PCGF5: variants seen among roughly 807,000 people sequenced by gnomAD.
PCGF5 encodes polycomb group ring finger 5.
Under a neutral mutation model 44.3 loss-of-function variants are expected in PCGF5, and 9 were observed. The observed-to-expected ratio is 0.20, with a 90% CI of 0.12 to 0.35. The LOEUF (loss-of-function observed/expected upper bound fraction) is 0.35, where lower values mean the gene tolerates loss of function less well. Among genes scored for constraint, PCGF5 ranks in the 10% least tolerant of loss-of-function variants. PCGF5 has a pLI of 1.00. For synonymous variants in PCGF5, 95 were observed against 102.5 expected, an observed-to-expected ratio of 0.93 and a Z score of 0.44; for missense variants, 146 against 305.3, an observed-to-expected ratio of 0.48 and a Z score of 3.89.
At chr10:91,182,809 C>T (rs1347480722) in intron 1 of PCGF5, among the ~76,000 whole-genome samples, 1 of 152,112 alleles carries the variant, frequency 6.6e-6, no homozygotes, top group Non-Finnish European at 1.5e-5. Flanking sequence ...GATTCTGGTA[C>T]ATTGTATCTT....
intron 5 of PCGF5, among the ~76,000 whole-genome samples, chr10:91,250,165 AGTTTG>A (rs1845589656): frequency 1.3e-5 from 2 of 151,782 alleles, no homozygotes; most frequent in African/African-American, 4.8e-5. Context: ...TGGAGCTAGG[AGTTTG>A]GTTCATAGAA....
intron 1 of PCGF5, among the ~76,000 whole-genome samples, chr10:91,198,303 G>A (rs761586026): frequency 3.9e-5 from 6 of 152,082 alleles, no homozygotes; most frequent in Non-Finnish European, 7.4e-5. Context: ...CCTTGCTGGG[G>A]GAACCTTGGA....
chr10:91,200,774 T>G (rs917762835), intron 1 of PCGF5, among the ~76,000 whole-genome samples: 1 of 152,266 alleles, frequency 6.6e-6, no homozygotes, highest in East Asian at 1.9e-4. Context: ...AAATTAAGCT[T>G]TGGTTTCTTC....
chr10:91,250,115 A>G (rs1256418523), intron 5 of PCGF5, among the ~76,000 whole-genome samples: 2 of 151,894 alleles, frequency 1.3e-5, no homozygotes, highest in African/African-American at 4.8e-5. Context: ...TATTTCTGGT[A>G]TTTGGTCTTT....
intron 1 of PCGF5, among the ~76,000 whole-genome samples, chr10:91,198,824 T>G (rs577909360): frequency 6.6e-6 from 1 of 152,352 alleles, no homozygotes; most frequent in South Asian, 2.1e-4. Flanking sequence ...AGAGCCCTTC[T>G]TCAGATGGGT....
At chr10:91,203,677 ATAAACCAAT>A (rs1244229397) in intron 1 of PCGF5, among the ~76,000 whole-genome samples, 1 of 152,214 alleles carries the variant, frequency 6.6e-6, no homozygotes, top group Admixed American at 6.5e-5. Context: ...CTACATCCTG[ATAAACCAAT>A]TACCTATATT....
chr10:91,235,110 C>G (rs529652241), intron 2 of PCGF5, among the ~76,000 whole-genome samples: 1 of 152,268 alleles, frequency 6.6e-6, no homozygotes, highest in South Asian at 2.1e-4. Context: ...CCTACTCTCC[C>G]TTGGCCAATG....
chr10:91,207,283 T>G (rs1214718378), intron 1 of PCGF5, among the ~76,000 whole-genome samples: 1 of 152,218 alleles, frequency 6.6e-6, no homozygotes, highest in Non-Finnish European at 1.5e-5. Context: ...GTCATTGCAT[T>G]ACTTTTGATC....
At chr10:91,271,518 T>C in intron 8 of PCGF5, 120 bp from the exon 9 acceptor site, 2 of 713,294 alleles carry the variant, frequency 2.8e-6, no homozygotes, top group Non-Finnish European at 4.4e-6. Flanking sequence ...TTGGAAAGTG[T>C]TTATTTACCA....
At chr10:91,270,978 T>A (rs1846166166) in intron 8 of PCGF5, among the ~76,000 whole-genome samples, 1 of 152,058 alleles carries the variant, frequency 6.6e-6, no homozygotes, top group South Asian at 2.1e-4. Context: ...CAAATGAATC[T>A]ACTCAATAGT....
At chr10:91,224,453 A>G (rs1844762813) in intron 2 of PCGF5, among the ~76,000 whole-genome samples, 1 of 152,216 alleles carries the variant, frequency 6.6e-6, no homozygotes, top group Non-Finnish European at 1.5e-5. Flanking sequence ...AAGATAATAA[A>G]GAAGTCTCTG....
In PCGF5 at chr10:91,179,957, C is replaced by A. The variant is rs192068699; in HGVS notation, c.-184+16876C>A. ...TCCATGGTGGCTGAACTAATTTACA[C>A]CCCTACCAATAATATATAACATTTC... On this transcript the variant is annotated intron_variant, in intron 1 of 9. Coordinates refer to the PCGF5 transcript ENST00000614189. Among the ~76,000 whole-genome samples, 277 of 152,248 alleles carry A rather than the reference C, an allele frequency of 1.8e-3. 3 individuals carry two copies. The highest frequency in any genetic ancestry group is 0.017 in the Admixed American group (253 of 15,290).
At chr10:91,169,043 G>T (rs1291949591) in intron 1 of PCGF5, among the ~76,000 whole-genome samples, 4 of 151,910 alleles carry the variant, frequency 2.6e-5, no homozygotes, top group African/African-American at 9.7e-5. Flanking sequence ...GGACGTAGGA[G>T]GGCAATTAAT....
intron 2 of PCGF5, among the ~76,000 whole-genome samples, chr10:91,232,082 T>A (rs1845022837): frequency 6.6e-6 from 1 of 151,924 alleles, no homozygotes; most frequent in South Asian, 2.1e-4. Context: ...AAAGGAGAAA[T>A]CAGTGAGATA....
intron 6 of PCGF5, among the ~76,000 whole-genome samples, chr10:91,252,995 A>G (rs1418212476): frequency 6.6e-6 from 1 of 151,770 alleles, no homozygotes; most frequent in Non-Finnish European, 1.5e-5. Context: ...CTTCATTCTT[A>G]GTTTATAAAT....
rs557056125 is a variant in PCGF5 at position 91,184,009 on chromosome 10, G to A, written c.-184+20928G>A. Among the ~76,000 whole-genome samples the A allele has an allele frequency of 1.9e-4, 29 of 151,898 alleles. No individual in the cohort carries two copies. In the South Asian group the frequency reaches 2.9e-3, roughly 15 times the overall value. Reference sequence around the variant, plus strand: ...GTCTTTAATATTTTTTCTTCGTTTCGACCTTGGATAATCTGATGATTATGT... The same window carrying A: ...GTCTTTAATATTTTTTCTTCGTTTCAACCTTGGATAATCTGATGATTATGT... On this transcript the variant is annotated intron_variant, in intron 1 of 9. Transcript: ENST00000614189.
rs911099990 is a variant in PCGF5 at position 91,279,426 on chromosome 10, A to C, written c.*1110A>C. ...TATGCTAACCAAAATTAATAGGTTA[A>C]GGGTATTTTATTTTAAATCCTGTAG... On this transcript the variant is annotated 3_prime_UTR_variant, in exon 10 of 10. Transcript: ENST00000336126. 3 of 152,198 alleles carry C rather than the reference A, an allele frequency of 2.0e-5. No homozygotes were observed. Among genetic ancestry groups the C allele is most frequent in the Non-Finnish European group, 4.4e-5 (3 of 68,016 alleles). 9.4% of individuals were successfully genotyped at this position (152,198 alleles called of 1,614,324 possible).
In PCGF5 at chr10:91,278,456, A is replaced by G. The variant is rs547334147; in HGVS notation, c.*140A>G. 4.7e-5 allele frequency: 35 copies of G among 738,496 alleles called. No homozygotes were observed. In the Middle Eastern group the frequency reaches 1.7e-3, roughly 35 times the overall value. 45.7% of individuals were successfully genotyped at this position (738,496 alleles called of 1,614,324 possible). The stretch of plus-strand genomic sequence containing the variant: ...AAATAAGGCCATTGTCTATCTCTAA[A>G]TTGTCAGTTGCATTCATGTTGTTTC... On this transcript the variant is annotated 3_prime_UTR_variant, in exon 10 of 10. Transcript: ENST00000336126.
At position 91,282,935 on chromosome 10, in the gene PCGF5, TAAGG is replaced by T. The variant is rs1216447272; in HGVS notation, c.*4622_*4625del. The T allele has an allele frequency of 1.3e-5, 2 of 152,482 alleles. No individual in the cohort carries two copies. Among genetic ancestry groups the T allele is most frequent in the South Asian group, 2.1e-4 (1 of 4,830 alleles). The allele number at this position is 152,482 out of a possible 1,614,324, so 9.4% of individuals were successfully genotyped here. A position where few individuals can be genotyped will look rare whatever the true frequency, so the allele number is the denominator to read the frequency against. ...TATATTCCTACAGTTTGGGTAGAAATAAGGAACATGTCTGCTAGATCTGGTTTAT... is the reference window on the plus strand; with the variant it reads ...TATATTCCTACAGTTTGGGTAGAAATAACATGTCTGCTAGATCTGGTTTAT... On this transcript the variant is annotated 3_prime_UTR_variant, in exon 10 of 10. Coordinates refer to ENST00000336126, the MANE Select transcript of PCGF5 (RefSeq NM_032373.5).
Sources: allele counts gnomAD v4.1 joint callset (sites outside exome capture counted in the v4.1 genomes callset), GRCh38; gene constraint gnomAD v4.1.1; transcripts MANE v1.5; gene names NCBI Gene and HGNC (gene_info 2026-07-23, HGNC 2026-07-21).